DNASE1L3: variants seen among roughly 807,000 people sequenced by gnomAD.
The protein encoded by DNASE1L3 is deoxyribonuclease 1L3.
Under a neutral mutation model 30.9 loss-of-function variants are expected in DNASE1L3, and 27 were observed. That is an observed-to-expected ratio of 0.87 (90% CI 0.64 to 1.20). The LOEUF is 1.20. DNASE1L3 is among the 50% of genes most tolerant of loss of function. The pLI is 0.00. For missense variants in DNASE1L3, 364 were observed against 378.2 expected (o/e 0.96, Z 0.31); for synonymous variants, 135 against 138.0 (o/e 0.98, Z 0.15).
intron 7 of DNASE1L3, chr3:58,193,130 G>A: frequency 2.8e-6 from 4 of 1,419,010 alleles, no homozygotes; most frequent in African/African-American, 1.5e-5. Context: ...AGCCTGGAGT[G>A]CAGTGGTGCG....
rs747698984 is a variant in DNASE1L3 at position 58,193,435 on chromosome 3, C to G, written c.709G>C (p.Val237Leu). 1.8e-5 allele frequency: 29 copies of G among 1,611,652 alleles called. No homozygotes were observed. In the Admixed American group the frequency reaches 2.7e-4, roughly 15 times the overall value. ...KSTNCAYDRI[V>L]LRGQEIVSSV... Reference sequence around the variant, plus strand: ...CTGACGATTTCTTGTCCTCTAAGCACAATCCTGGAACAAGGGGAGGGAAAA... The same window carrying G: ...CTGACGATTTCTTGTCCTCTAAGCAGAATCCTGGAACAAGGGGAGGGAAAA... Residue 237 changes from valine to leucine, a missense_variant, in exon 7 of 8, where the codon GTG (valine) becomes CTG (leucine). Physicochemically the swap from Val to Leu is conservative, Grantham distance 32. Coordinates refer to ENST00000394549, the MANE Select transcript of DNASE1L3 (RefSeq NM_004944.4).
rs772802938 is a variant in DNASE1L3 at position 58,210,944 on chromosome 3, C to A, written c.-38G>T. 1 of 1,610,424 alleles carries A rather than the reference C, an allele frequency of 6.2e-7. No homozygotes were observed. The highest frequency in any genetic ancestry group is 8.5e-7 in the Non-Finnish European group (1 of 1,178,518). ...CTGGCTTCAAGACTCTGTGAGAAGA[C>A]AGCAGTGCTTGGAGTGCTGGATTCT... On this transcript the variant is annotated 5_prime_UTR_variant, in exon 1 of 8. Coordinates refer to ENST00000394549, the MANE Select transcript of DNASE1L3 (RefSeq NM_004944.4).
chr3:58,207,206 A>T lies in DNASE1L3; in HGVS notation c.230+1012T>A, dbSNP rs889155372. ...GGCAACATAGCAAAACCCCGACTCC[A>T]CTAAAAATACAAAAATTAGCTAGGC... On this transcript the variant is annotated intron_variant, in intron 2 of 7. Coordinates refer to ENST00000394549, the MANE Select transcript of DNASE1L3 (RefSeq NM_004944.4). Among the ~76,000 whole-genome samples the T allele has an allele frequency of 9.2e-5, 14 of 152,102 alleles. No individual in the cohort carries two copies. In the East Asian group the frequency reaches 2.5e-3, roughly 27 times the overall value.
At chr3:58,203,568 C>A (rs1200459772) in intron 4 of DNASE1L3, among the ~76,000 whole-genome samples, 1 of 152,210 alleles carries the variant, frequency 6.6e-6, no homozygotes, top group Non-Finnish European at 1.5e-5. Flanking sequence ...GAAGCCAAGG[C>A]AGGCAGATGG....
intron 4 of DNASE1L3, among the ~76,000 whole-genome samples, chr3:58,203,914 C>T (rs556648399): frequency 2.2e-4 from 33 of 152,240 alleles, no homozygotes; most frequent in African/African-American, 7.5e-4. Context: ...ACCTCAGTTT[C>T]CTGAAATGTA....
intron 4 of DNASE1L3, 54 bp downstream of exon 4, chr3:58,204,715 G>T: frequency 6.7e-7 from 1 of 1,485,116 alleles, no homozygotes; most frequent in Non-Finnish European, 9.4e-7. Context: ...AGGCTGCTGC[G>T]CATTCATGGG....
intron 5 of DNASE1L3, among the ~76,000 whole-genome samples, chr3:58,199,408 G>A (rs954351205): frequency 2.0e-4 from 31 of 152,266 alleles, no homozygotes; most frequent in Admixed American, 4.6e-4. Flanking sequence ...CGTGGCTCAC[G>A]CCTGTAATCC....
At chr3:58,193,200 C>A in intron 7 of DNASE1L3, 143 bp downstream of exon 7, 1 of 1,438,210 alleles carries the variant, frequency 7.0e-7, no homozygotes, top group Non-Finnish European at 9.3e-7. Flanking sequence ...CCTCAGCCTC[C>A]CAAGTAGCTG....
intron 2 of DNASE1L3, among the ~76,000 whole-genome samples, chr3:58,207,271 CT>C (rs1160350751): frequency 6.6e-6 from 1 of 152,118 alleles, no homozygotes; most frequent in African/African-American, 2.4e-5. Flanking sequence ...ACTTGGGAGG[CT>C]GAGGCAGGAG....
Position 58,192,754 on chromosome 3 carries a change from G to T in DNASE1L3, c.851C>A (p.Ser284Ter). 2.5e-6 allele frequency: 4 copies of T among 1,614,130 alleles called. No homozygotes were observed. The highest frequency in any genetic ancestry group is 1.1e-5 in the South Asian group (1 of 91,072). Residue 284 changes from serine (S) to a stop codon, truncating the protein, a stop_gained, in exon 8 of 8, where the codon TCA becomes TAA. Coordinates refer to ENST00000394549, the MANE Select transcript of DNASE1L3 (RefSeq NM_004944.4). LOFTEE classifies it low-confidence loss of function (END_TRUNC). This position sits in a 1 kb window ranked among gnomAD's most constrained non-coding sequence, Gnocchi z 4.8. Reference protein sequence around the residue: ...HFPVEFKLQSSRAFTNSKKSV... With the variant: ...HFPVEFKLQS ...TTTTTTGCTGTTGGTGAAGGCCCTT[G>T]AAGACTGTAGTTTAAATTCAACTGG...
At chr3:58,196,231 A>C (rs1171693315) in intron 6 of DNASE1L3, among the ~76,000 whole-genome samples, 2 of 152,012 alleles carry the variant, frequency 1.3e-5, no homozygotes, top group African/African-American at 4.8e-5. Flanking sequence ...TCTGCAAAGG[A>C]AACACCAGCC....
chr3:58,206,662 G>C (rs530931422), intron 2 of DNASE1L3, among the ~76,000 whole-genome samples: 1 of 152,064 alleles, frequency 6.6e-6, no homozygotes, highest in African/African-American at 2.4e-5. Context: ...GAAAAGACTC[G>C]CCCCAGACTG....
At position 58,192,633 on chromosome 3, in the gene DNASE1L3, T is replaced by A; in HGVS notation, c.*54A>T. 1 of 1,549,480 alleles carries A rather than the reference T, an allele frequency of 6.5e-7. No homozygotes were observed. Among genetic ancestry groups the A allele is most frequent in the Non-Finnish European group, 8.8e-7 (1 of 1,132,914 alleles). On this transcript the variant is annotated 3_prime_UTR_variant, in exon 8 of 8. Transcript: ENST00000394549. This position sits in a 1 kb window ranked among gnomAD's most constrained non-coding sequence, Gnocchi z 4.8. Reference sequence around the variant, plus strand: ...AGTACAGGGAGCAGTTCATATCTGTTAGAGACATTTTATTTAGAGGCAAGA... The same window carrying A: ...AGTACAGGGAGCAGTTCATATCTGTAAGAGACATTTTATTTAGAGGCAAGA...
At chr3:58,205,889 C>G (rs1575499529) in intron 2 of DNASE1L3, among the ~76,000 whole-genome samples, 1 of 152,234 alleles carries the variant, frequency 6.6e-6, no homozygotes, top group Non-Finnish European at 1.5e-5. Context: ...CTGTGGGAGG[C>G]CACTGAGACC....
At position 58,197,188 on chromosome 3, in the gene DNASE1L3, G is replaced by A. The variant is rs1481319812; in HGVS notation, c.704+633C>T. Among the ~76,000 whole-genome samples, 1 of 152,150 alleles carries A rather than the reference G, an allele frequency of 6.6e-6. No homozygotes were observed. Among genetic ancestry groups the A allele is most frequent in the Non-Finnish European group, 1.5e-5 (1 of 68,020 alleles). ...CTCCACATCGGATCTTCATGAGTGAGGCACTAGGATAACTTCCATTTTACA... is the reference window on the plus strand; with the variant it reads ...CTCCACATCGGATCTTCATGAGTGAAGCACTAGGATAACTTCCATTTTACA... On this transcript the variant is annotated intron_variant, in intron 6 of 7. Transcript: ENST00000394549. This position sits in a 1 kb window ranked among gnomAD's most constrained non-coding sequence, Gnocchi z 5.3.
chr3:58,201,381 T>TCTTCAAAGTTTCCC (rs2097400457), intron 4 of DNASE1L3, among the ~76,000 whole-genome samples: 2 of 152,274 alleles, frequency 1.3e-5, no homozygotes, highest in Non-Finnish European at 2.9e-5. Flanking sequence ...AAAAGTTTCC[T>TCTTCAAAGTTTCCC]CTTCAAAGTT....
intron 6 of DNASE1L3, among the ~76,000 whole-genome samples, chr3:58,195,034 G>C (rs2097396422): frequency 6.6e-6 from 1 of 152,178 alleles, no homozygotes; most frequent in Non-Finnish European, 1.5e-5. Flanking sequence ...CATGTTAAAG[G>C]CTCTTCCATT....
chr3:58,193,181 A>T (rs1004858817), intron 7 of DNASE1L3, 162 bp downstream of exon 7: 3 of 1,433,168 alleles, frequency 2.1e-6, no homozygotes, highest in Admixed American at 2.4e-5. Flanking sequence ...GACTCAAGTG[A>T]TCCTCCCACC....
chr3:58,204,842 A>T lies in DNASE1L3; in HGVS notation c.360T>A (p.His120Gln), dbSNP rs146555960. 6.2e-7 allele frequency: 1 copy of T among 1,614,174 alleles called. No homozygotes were observed. The highest frequency in any genetic ancestry group is 8.5e-7 in the Non-Finnish European group (1 of 1,180,022). Residue 120 changes from histidine to glutamine, a missense_variant, in exon 4 of 8, where the codon CAT (histidine) becomes CAA (glutamine). Physicochemically the swap from His to Gln is conservative, Grantham distance 24. Coordinates refer to ENST00000394549, the MANE Select transcript of DNASE1L3 (RefSeq NM_004944.4). The stretch of plus-strand genomic sequence containing the variant: ...CATCTGCGTCTCCATCCTGATAGTC[A>T]TGGTAGTGATAACTCCTCTTCACAG... Reference protein sequence around the residue: ...LVSVKRSYHYHDYQDGDADVF... With the variant: ...LVSVKRSYHYQDYQDGDADVF...
Sources: gnomAD v4.1 joint callset for allele counts (sites outside exome capture counted in the v4.1 genomes callset) on GRCh38, gnomAD v4.1.1 for gene constraint, Gnocchi (gnomAD v3.1) non-coding constraint, MANE v1.5 for transcripts, NCBI Gene and HGNC (gene_info 2026-07-23, HGNC 2026-07-21) for gene names.